The following SCPEP1 variants were observed in gnomAD, a reference collection of about 807,000 sequenced individuals.
SCPEP1 encodes retinoid-inducible serine carboxypeptidase.
Under a neutral mutation model 63.8 loss-of-function variants are expected in SCPEP1, and 51 were observed. The observed-to-expected ratio is 0.80, with a 90% CI of 0.64 to 1.01. The LOEUF (loss-of-function observed/expected upper bound fraction) is 1.01, where lower values mean the gene tolerates loss of function less well. Among genes scored for constraint, SCPEP1 ranks in the 50% least tolerant of loss-of-function variants. SCPEP1 has a pLI of 0.00. For synonymous variants in SCPEP1, 204 were observed against 207.8 expected, an observed-to-expected ratio of 0.98 and a Z score of 0.16; for missense variants, 499 against 554.9, an observed-to-expected ratio of 0.90 and a Z score of 1.01.
intron 6 of SCPEP1, among the ~76,000 whole-genome samples, chr17:56,993,258 A>G (rs1395494284): frequency 1.3e-5 from 2 of 152,166 alleles, no homozygotes; most frequent in African/African-American, 4.8e-5. Context: ...TCTACACCCA[A>G]GTGCTCCATA....
intron 6 of SCPEP1, among the ~76,000 whole-genome samples, chr17:56,991,549 T>C (rs1420139776): frequency 6.6e-6 from 1 of 152,208 alleles, no homozygotes; most frequent in Non-Finnish European, 1.5e-5. Flanking sequence ...TCTACTTCCC[T>C]GATGCTGACA....
intron 8 of SCPEP1, 72 bp downstream of exon 8, chr17:56,995,707 T>G: frequency 6.6e-7 from 1 of 1,504,828 alleles, no homozygotes; most frequent in Non-Finnish European, 8.9e-7. Context: ...ATGGTTGGTG[T>G]TGTCAAACTT....
chr17:56,986,783 G>T (rs1014183888), intron 3 of SCPEP1, among the ~76,000 whole-genome samples: 1 of 151,882 alleles, frequency 6.6e-6, no homozygotes, highest in Non-Finnish European at 1.5e-5. Context: ...CTGACCTCGT[G>T]ATCCTCCCAC....
chr17:56,998,858 G>A (rs1399290319), intron 10 of SCPEP1, among the ~76,000 whole-genome samples: 1 of 152,146 alleles, frequency 6.6e-6, no homozygotes, highest in African/African-American at 2.4e-5. Context: ...GGAGGCTGAG[G>A]TGGGAGGATT....
At position 57,002,368 on chromosome 17, in the gene SCPEP1, C is replaced by T. The variant is rs1188366844; in HGVS notation, c.1296+187C>T. ...ACCAAGGCAGGTGGATTGCTGGAGC[C>T]CAGGAGTTTGAGACCAGCCTGGGCC... On this transcript the variant is annotated intron_variant, in intron 12 of 12. Coordinates refer to ENST00000262288, the MANE Select transcript of SCPEP1 (RefSeq NM_021626.3). Among the ~76,000 whole-genome samples the T allele has an allele frequency of 4.6e-5, 7 of 152,102 alleles. No individual in the cohort carries two copies. The East Asian group carries it at 1.2e-3, about 25-fold the overall frequency.
intron 9 of SCPEP1, among the ~76,000 whole-genome samples, chr17:56,997,398 A>G (rs937213382): frequency 2.6e-5 from 4 of 152,188 alleles, no homozygotes; most frequent in African/African-American, 7.2e-5. Flanking sequence ...AGTCTTTTGC[A>G]CTGGCTTCTG....
intron 6 of SCPEP1, among the ~76,000 whole-genome samples, chr17:56,994,535 A>G (rs1351239484): frequency 6.6e-6 from 1 of 152,242 alleles, no homozygotes; most frequent in East Asian, 1.9e-4. Context: ...CATCTTCCTT[A>G]TTTAGCTCCT....
intron 1 of SCPEP1, among the ~76,000 whole-genome samples, chr17:56,980,219 A>T (rs1955003349): frequency 6.6e-6 from 1 of 152,232 alleles, no homozygotes; most frequent in African/African-American, 2.4e-5. Context: ...GGCTCAAGCG[A>T]TTCTCCTACC....
chr17:57,001,170 G>A (rs1380069265), intron 11 of SCPEP1, among the ~76,000 whole-genome samples, 178 bp downstream of exon 11: 2 of 152,132 alleles, frequency 1.3e-5, no homozygotes, highest in Non-Finnish European at 1.5e-5. Context: ...AGCTGCACGT[G>A]GCTGTGACCC....
At chr17:56,985,069 C>T (rs1911174826) in intron 2 of SCPEP1, 2 of 358,414 alleles carry the variant, frequency 5.6e-6, no homozygotes, top group Non-Finnish European at 1.0e-5. Context: ...TGCACCACTG[C>T]ACTCCAACCT....
chr17:56,978,976 G>C (rs1463500058), intron 1 of SCPEP1, among the ~76,000 whole-genome samples: 3 of 152,202 alleles, frequency 2.0e-5, no homozygotes, highest in Non-Finnish European at 4.4e-5. Flanking sequence ...AGAAGTGCCT[G>C]GGGTTAGGTC....
rs765522167 is a variant in SCPEP1, at chr17:56,995,016, A to G, written c.655A>G (p.Met219Val). The G allele has an allele frequency of 3.1e-6, 5 of 1,612,274 alleles. No homozygotes were observed. The highest frequency in any genetic ancestry group is 1.1e-5 in the South Asian group (1 of 91,036). ...VLSWGPYLYS[M>V]SLLEDKGLAE... ...CTCCTGGGGACCTTACCTGTACAGC[A>G]TGGTAAGTAGATACACATCTGCACC... The change falls in exon 7 of 13, where the codon ATG becomes GTG. Residue 219 changes from methionine (M) to valine (V), a missense_variant and splice_region_variant. Transcript: ENST00000262288.
At chr17:56,995,463 T>C (rs746914788) in intron 7 of SCPEP1, 44 bp from the exon 8 acceptor site, 3 of 1,598,184 alleles carry the variant, frequency 1.9e-6, no homozygotes, top group East Asian at 4.5e-5. Flanking sequence ...CAGATTGACG[T>C]TCCCAAGTAA....
At position 56,997,012 on chromosome 17, in the gene SCPEP1, G is replaced by T. The variant is rs148083534; in HGVS notation, c.837G>T (p.Thr279=). Reference sequence around the variant, plus strand: ...ACATCTTAACTAAAAGCACTCCCACGTCTACAATGGAGTCGAGTCTAGAAT... The same window carrying T: ...ACATCTTAACTAAAAGCACTCCCACTTCTACAATGGAGTCGAGTCTAGAAT... ...FYNILTKSTP[T]STMESSLEFT... is the part of the protein sequence containing the mutation. Residue 279 remains threonine (T), a synonymous_variant, in exon 9 of 13, where the codon ACG becomes ACT. Transcript: ENST00000262288. 2.2e-4 allele frequency: 347 copies of T among 1,609,472 alleles called. No individual in the cohort carries two copies. Among genetic ancestry groups the T allele is most frequent in the Non-Finnish European group, 2.3e-4 (273 of 1,177,628 alleles).
At chr17:56,989,179 G>A (rs1288128372) in intron 5 of SCPEP1, among the ~76,000 whole-genome samples, 2 of 152,164 alleles carry the variant, frequency 1.3e-5, no homozygotes, top group East Asian at 3.8e-4. Flanking sequence ...GACAGAACAA[G>A]ACTGTGTCTC....
chr17:56,988,091 G>A (rs1046004900), intron 4 of SCPEP1, 125 bp from the exon 5 acceptor site: 1 of 810,478 alleles, frequency 1.2e-6, no homozygotes, highest in South Asian at 1.8e-5. Context: ...ATGGAGTGGT[G>A]GGGGAGGAAG....
Position 56,998,463 on chromosome 17 carries a change from A to T in SCPEP1, c.959A>T (p.Lys320Met), listed in dbSNP as rs749827070. 5.6e-6 allele frequency: 9 copies of T among 1,613,964 alleles called. No homozygotes were observed. Among genetic ancestry groups the T allele is most frequent in the Admixed American group, 3.3e-5 (2 of 60,000 alleles). Residue 320 changes from lysine to methionine, a missense_variant, in exon 10 of 13, where the codon AAG (lysine) becomes ATG (methionine). Coordinates refer to ENST00000262288, the MANE Select transcript of SCPEP1 (RefSeq NM_021626.3). ...SQLMNGPIRKKLKIIPEDQSW... is the reference protein window; with the variant it reads ...SQLMNGPIRKMLKIIPEDQSW... ...CTCATGAATGGCCCCATCAGAAAGA[A>T]GCTCAAAATTATTCCTGAGGATCAA...
chr17:56,982,490 G>A (rs112801237), intron 2 of SCPEP1, among the ~76,000 whole-genome samples: 1,888 of 152,284 alleles, frequency 0.012, 42 homozygotes, highest in African/African-American at 0.044. Flanking sequence ...TTATGATAAT[G>A]CAGAAAAAGA....
At position 56,985,455 on chromosome 17, in the gene SCPEP1, GAAA is replaced by G; in HGVS notation, c.305_307del (p.Lys102del). 1 of 1,613,860 alleles carries G rather than the reference GAAA, an allele frequency of 6.2e-7. No individual in the cohort carries two copies. The highest frequency in any genetic ancestry group is 1.6e-4 in the Middle Eastern group (1 of 6,062). ...CCCTTGACAGTGATCTCAAACCACGGAAAACCACCTGGGTACAGTGAGGACAGT... is the reference window on the plus strand; with the variant it reads ...CCCTTGACAGTGATCTCAAACCACGGACCACCTGGGTACAGTGAGGACAGT... On this transcript the variant is annotated inframe_deletion, in exon 3 of 13. Transcript: ENST00000262288.
Sources: gnomAD v4.1 joint callset for allele counts (sites outside exome capture counted in the v4.1 genomes callset) on GRCh38, gnomAD v4.1.1 for gene constraint, MANE v1.5 for transcripts, NCBI Gene and HGNC (gene_info 2026-07-23, HGNC 2026-07-21) for gene names.